Variants in CLIP2 observed in about 807,000 individuals in gnomAD.
CLIP2 encodes CAP-Gly domain-containing linker protein 2.
Under a neutral mutation model 111.7 loss-of-function variants are expected in CLIP2, and 41 were observed. The observed-to-expected ratio is 0.37, with a 90% confidence interval of 0.29 to 0.48. The LOEUF is 0.48. CLIP2 is among the 20% of genes least tolerant of loss of function. The pLI, the probability that CLIP2 is intolerant of heterozygous loss-of-function variation, is 0.99. For synonymous variants in CLIP2, 660 were observed against 644.2 expected (o/e 1.02, Z -0.37); for missense variants, 1,160 against 1,422.1 (o/e 0.82, Z 2.96).
At chr7:74,386,650 G>A in intron 12 of CLIP2, 46 bp downstream of exon 12, 2 of 1,481,300 alleles carry the variant, frequency 1.4e-6, no homozygotes, top group Non-Finnish European at 1.8e-6. Context: ...TTTCACTGGG[G>A]CCGTGCCATT....
intron 1 of CLIP2, among the ~76,000 whole-genome samples, chr7:74,293,677 G>T (rs548406661): frequency 1.9e-4 from 29 of 152,298 alleles, no homozygotes; most frequent in Admixed American, 1.9e-3. Context: ...ATGAGCTGAT[G>T]GGGGAGGCAG....
chr7:74,403,988 C>T lies in CLIP2; in HGVS notation c.*140C>T, dbSNP rs375666737. Reference sequence around the variant, plus strand: ...TGTAACAATAACGTACTCACCGCCGCGGACAATCCCCCACCCCGATCCCTC... The same window carrying T: ...TGTAACAATAACGTACTCACCGCCGTGGACAATCCCCCACCCCGATCCCTC... On this transcript the variant is annotated 3_prime_UTR_variant, in exon 17 of 17. Transcript: ENST00000223398. 1.4e-5 allele frequency: 13 copies of T among 914,016 alleles called. No homozygotes were observed. The highest frequency in any genetic ancestry group is 3.5e-5 in the Admixed American group (2 of 56,486). The allele number at this position is 914,016 out of a possible 1,614,324, so 56.6% of individuals were successfully genotyped here. A position where few individuals can be genotyped will look rare whatever the true frequency, so the allele number is the denominator to read the frequency against.
At chr7:74,371,345 C>T (rs572203421) in intron 8 of CLIP2, among the ~76,000 whole-genome samples, 2 of 151,328 alleles carry the variant, frequency 1.3e-5, no homozygotes, top group Admixed American at 6.6e-5. Context: ...TTTTTCTTGC[C>T]TGTGCGGGCT....
chr7:74,383,293 T>TC (rs1306062719), intron 11 of CLIP2, among the ~76,000 whole-genome samples: 1 of 152,034 alleles, frequency 6.6e-6, no homozygotes, highest in Non-Finnish European at 1.5e-5. Context: ...GGTCATTTTC[T>TC]CCCCCCAACC....
rs560817881 is a variant in CLIP2 at position 74,405,470 on chromosome 7, C to T, written c.*1622C>T. 2 of 152,818 alleles carry T rather than the reference C, an allele frequency of 1.3e-5. No homozygotes were observed. The highest frequency in any genetic ancestry group is 2.9e-5 in the Non-Finnish European group (2 of 68,214). 9.5% of individuals were successfully genotyped at this position (152,818 alleles called of 1,614,324 possible). A position where few individuals can be genotyped will look rare whatever the true frequency, so the allele number is the denominator to read the frequency against. ...GGTAGGTGGCGCTCACGTTCCTGCC[C>T]AAATGCAGCCCATCGGGGAGTCACA... is the stretch of plus-strand genomic sequence containing the variant. On this transcript the variant is annotated 3_prime_UTR_variant, in exon 17 of 17. Transcript: ENST00000223398.
rs144514293 is a variant in CLIP2 at position 74,376,150 on chromosome 7, G to A, written c.1749G>A (p.Ala583=). ...AGGCGGAGGTGGACAAGCTCCGCGC[G>A]GCCAACGAGAAGTACGCACAGGAGG... ...AYQAEVDKLR[A]ANEKYAQEVA... is the part of the protein sequence containing the mutation. Residue 583 remains alanine (A), a synonymous_variant, in exon 10 of 17, where the codon GCG becomes GCA. Transcript: ENST00000223398. The surrounding 1 kb of genome is among the most constrained non-coding windows in gnomAD (Gnocchi z 7.1). 4.7e-5 allele frequency: 76 copies of A among 1,609,822 alleles called. No homozygotes were observed. The African/African-American group carries it at 7.7e-4, about 16-fold the overall frequency.
intron 2 of CLIP2, among the ~76,000 whole-genome samples, chr7:74,327,646 G>A (rs1789153245): frequency 6.6e-6 from 1 of 152,132 alleles, no homozygotes; most frequent in South Asian, 2.1e-4. Flanking sequence ...GCAACTTCTC[G>A]GCTCTCCACT....
intron 2 of CLIP2, among the ~76,000 whole-genome samples, chr7:74,323,084 TATTTATTTA>T (rs1224391235): frequency 1.5e-4 from 1 of 6,584 alleles, no homozygotes; most frequent in Non-Finnish European, 3.6e-4. Context: ...AGCTATGTTT[TATTTATTTA>T]TTTATTTATT....
At chr7:74,384,441 A>ATTTT (rs533449196) in intron 11 of CLIP2, among the ~76,000 whole-genome samples, 14 of 98,464 alleles carry the variant, frequency 1.4e-4, no homozygotes, top group African/African-American at 2.6e-4. Context: ...AGGTCATATG[A>ATTTT]TTTTTTTTTT....
chr7:74,294,688 G>C (rs1026881750), intron 1 of CLIP2, among the ~76,000 whole-genome samples: 1 of 152,164 alleles, frequency 6.6e-6, no homozygotes, highest in Non-Finnish European at 1.5e-5. Context: ...CCTTTTGGGG[G>C]TGCTCCAGCC....
At chr7:74,382,528 G>A (rs1790976476) in intron 11 of CLIP2, among the ~76,000 whole-genome samples, 1 of 146,314 alleles carries the variant, frequency 6.8e-6, no homozygotes, top group African/African-American at 2.5e-5. Flanking sequence ...TGGCCAGGCT[G>A]GTCTCAAACT....
intron 1 of CLIP2, among the ~76,000 whole-genome samples, chr7:74,298,588 C>T (rs1330505711): frequency 6.8e-5 from 1 of 14,774 alleles, no homozygotes; most frequent in African/African-American, 1.2e-4. Context: ...AGTGCAGTGG[C>T]GTGGCGTGAT....
intron 1 of CLIP2, among the ~76,000 whole-genome samples, chr7:74,305,763 G>A (rs376899294): frequency 6.6e-6 from 1 of 151,894 alleles, no homozygotes; most frequent in South Asian, 2.1e-4. Context: ...CAAAGTGCTG[G>A]GATTACAGAC....
At chr7:74,326,735 C>G (rs1399453509) in intron 2 of CLIP2, among the ~76,000 whole-genome samples, 1 of 151,726 alleles carries the variant, frequency 6.6e-6, no homozygotes, top group African/African-American at 2.4e-5. Context: ...CTCCTGGGTT[C>G]CAGCGATTCT....
intron 8 of CLIP2, among the ~76,000 whole-genome samples, chr7:74,370,449 C>A: frequency 6.7e-6 from 1 of 149,828 alleles, no homozygotes; most frequent in Non-Finnish European, 1.5e-5. Context: ...GAGCGAGACT[C>A]CGTCTCAAAA....
In CLIP2 at chr7:74,338,329, C is replaced by G. The variant is rs1554732510; in HGVS notation, c.122-119C>G. The G allele has an allele frequency of 1.8e-6, 2 of 1,110,688 alleles. No homozygotes were observed. Among genetic ancestry groups the G allele is most frequent in the African/African-American group, 3.2e-5 (2 of 62,920 alleles). 68.8% of individuals were successfully genotyped at this position (1,110,688 alleles called of 1,614,324 possible). On this transcript the variant is annotated intron_variant, in intron 2 of 16. Coordinates refer to ENST00000223398, the MANE Select transcript of CLIP2 (RefSeq NM_003388.5). The surrounding 1 kb of genome is among the most constrained non-coding windows in gnomAD (Gnocchi z 4.3). ...CCAGCCTGGCCGAGATGGTGAAACC[C>G]CATCTCTACCCAAAAATACAAATCA...
At chr7:74,332,810 G>A (rs1789330565) in intron 2 of CLIP2, among the ~76,000 whole-genome samples, 1 of 152,106 alleles carries the variant, frequency 6.6e-6, no homozygotes, top group Admixed American at 6.6e-5. Context: ...TGTAGTTGCT[G>A]GCATCCCCAC....
chr7:74,369,453 G>T (rs2522948), intron 8 of CLIP2, among the ~76,000 whole-genome samples: 51,977 of 151,930 alleles, frequency 0.34, 10,515 homozygotes, highest in Middle Eastern at 0.48. Flanking sequence ...TGAGGCAGGA[G>T]GATCCTTTGA....
intron 14 of CLIP2, among the ~76,000 whole-genome samples, chr7:74,400,016 G>A (rs1276660953): frequency 9.2e-5 from 14 of 151,736 alleles, no homozygotes; most frequent in Admixed American, 5.2e-4. Context: ...TTAGCGGGGC[G>A]TGGTGGTGGG....
Sources: allele counts gnomAD v4.1 joint callset (sites outside exome capture counted in the v4.1 genomes callset), GRCh38; gene constraint gnomAD v4.1.1; non-coding constraint Gnocchi (gnomAD v3.1); transcripts MANE v1.5; gene names NCBI Gene and HGNC (gene_info 2026-07-23, HGNC 2026-07-21).